Variants in AK8 observed in about 807,000 individuals in gnomAD.
The protein encoded by AK8 is ATP-AMP transphosphorylase 8.
A neutral mutation model predicts 54.6 loss-of-function variants in AK8; 44 were observed. The observed-to-expected ratio is 0.81, with a 90% CI of 0.63 to 1.04. The LOEUF is 1.04. Ranked by LOEUF, AK8 falls within the 50% of genes least tolerant of loss-of-function variation. The probability of loss-of-function intolerance (pLI) is 0.00; values close to 1 mark genes in which losing one functional copy is unlikely to be tolerated. For synonymous variants in AK8, 239 were observed against 245.6 expected (o/e 0.97, Z 0.25); for missense variants, 555 against 613.6 (o/e 0.90, Z 1.01).
At chr9:132,811,742 G>A (rs1841020416) in intron 10 of AK8, among the ~76,000 whole-genome samples, 1 of 152,334 alleles carries the variant, frequency 6.6e-6, no homozygotes, top group Non-Finnish European at 1.5e-5. Flanking sequence ...CTGTTCATGG[G>A]CATCACTGCT....
At chr9:132,808,755 G>A (rs1258290254) in intron 10 of AK8, among the ~76,000 whole-genome samples, 3 of 152,208 alleles carry the variant, frequency 2.0e-5, no homozygotes, top group Non-Finnish European at 4.4e-5. Flanking sequence ...TCTGGGGCAC[G>A]CAGCTCCAAG....
At position 132,725,878 on chromosome 9, in the gene AK8, C is replaced by G; in HGVS notation, c.1250G>C (p.Arg417Pro). 6.2e-7 allele frequency: 1 copy of G among 1,611,360 alleles called. No individual in the cohort carries two copies. The highest frequency in any genetic ancestry group is 8.5e-7 in the Non-Finnish European group (1 of 1,179,420). Reference protein sequence around the residue: ...KPPPTMEIQARLLQNPKDAEE... With the variant: ...KPPPTMEIQAPLLQNPKDAEE... ...AGCATCCTTTGGGTTCTGCAGGAGGCGAGCCTGGATCTCCATGGTGGGAGG... is the reference window on the plus strand; with the variant it reads ...AGCATCCTTTGGGTTCTGCAGGAGGGGAGCCTGGATCTCCATGGTGGGAGG... The change falls in exon 13 of 13, where the codon CGC (arginine) becomes CCC (proline). Residue 417 changes from arginine to proline, a missense_variant. Transcript: ENST00000298545.
intron 11 of AK8, among the ~76,000 whole-genome samples, chr9:132,782,677 G>A (rs976300074): frequency 1.3e-5 from 2 of 149,492 alleles, no homozygotes; most frequent in Admixed American, 1.3e-4. Flanking sequence ...CAACAAGAGC[G>A]AAATTCCGTC....
intron 1 of AK8, among the ~76,000 whole-genome samples, chr9:132,876,463 G>A (rs1298996906): frequency 6.6e-6 from 1 of 152,210 alleles, no homozygotes; most frequent in African/African-American, 2.4e-5. Flanking sequence ...TTAAATGGAG[G>A]TGCAGTAGCG....
intron 11 of AK8, among the ~76,000 whole-genome samples, chr9:132,773,094 T>G (rs1006516988): frequency 6.6e-6 from 1 of 152,250 alleles, no homozygotes; most frequent in Non-Finnish European, 1.5e-5. Context: ...CTTCAAGGTC[T>G]ATGGTCTCCT....
intron 2 of AK8, among the ~76,000 whole-genome samples, chr9:132,874,652 C>T (rs954320527): frequency 6.6e-6 from 1 of 152,156 alleles, no homozygotes; most frequent in Admixed American, 6.5e-5. Context: ...TTGGGGAGCT[C>T]GGAAACTCAT....
intron 11 of AK8, among the ~76,000 whole-genome samples, chr9:132,763,499 A>G (rs558842551): frequency 1.3e-5 from 2 of 152,260 alleles, no homozygotes; most frequent in Non-Finnish European, 2.9e-5. Flanking sequence ...CTTTATACAC[A>G]GTAAGCTGTA....
chr9:132,755,891 C>T (rs1450640156), intron 11 of AK8, among the ~76,000 whole-genome samples: 1 of 152,146 alleles, frequency 6.6e-6, no homozygotes, highest in Non-Finnish European at 1.5e-5. Flanking sequence ...CCTCAGCCTC[C>T]CCAGTAGCTG....
chr9:132,767,448 G>GA (rs200720814), intron 11 of AK8, among the ~76,000 whole-genome samples: 1,555 of 147,476 alleles, frequency 0.011, 29 homozygotes, highest in African/African-American at 0.033. Context: ...AGCAAAAATT[G>GA]AAAAAAAAAA....
intron 9 of AK8, among the ~76,000 whole-genome samples, chr9:132,818,572 G>C (rs1025329137): frequency 6.6e-5 from 10 of 152,012 alleles, no homozygotes; most frequent in Non-Finnish European, 1.3e-4. Flanking sequence ...ATAAAGCAAA[G>C]AGATATGGCT....
In AK8 at chr9:132,807,761, G is replaced by C. The variant is rs576704522; in HGVS notation, c.979+6877C>G. 2.7e-4 allele frequency among the ~76,000 whole-genome samples: 41 copies of C among 152,292 alleles called. No individual in the cohort carries two copies. In the South Asian group the frequency reaches 5.8e-3, roughly 22 times the overall value. Reference sequence around the variant, plus strand: ...ACAACAGAGTGAGGCCCATGAGCAGGGCTCATTTTATATTAAGTGAAAATC... The same window carrying C: ...ACAACAGAGTGAGGCCCATGAGCAGCGCTCATTTTATATTAAGTGAAAATC... On this transcript the variant is annotated intron_variant, in intron 10 of 12. Coordinates refer to ENST00000298545, the MANE Select transcript of AK8 (RefSeq NM_152572.3).
At chr9:132,745,168 C>T (rs1311018939) in intron 11 of AK8, among the ~76,000 whole-genome samples, 2 of 152,214 alleles carry the variant, frequency 1.3e-5, no homozygotes, top group Admixed American at 6.5e-5. Flanking sequence ...ATACGCTTTA[C>T]GGTGGGGCCT....
chr9:132,863,388 A>G (rs1308736377), intron 4 of AK8, among the ~76,000 whole-genome samples: 2 of 152,254 alleles, frequency 1.3e-5, no homozygotes, highest in Non-Finnish European at 2.9e-5. Flanking sequence ...AGCCTGGACC[A>G]TCCCACCAAG....
rs552755147 is a variant in AK8, at chr9:132,781,640, T to A, written c.1121+10994A>T. On this transcript the variant is annotated intron_variant, in intron 11 of 12. Transcript: ENST00000298545. This position sits in a 1 kb window ranked among gnomAD's most constrained non-coding sequence, Gnocchi z 4.6. ...AAAAGAGCCTTTGTAGATTTTCATA[T>A]CTGAATTATAGATTTCTGTATCGTA... Among the ~76,000 whole-genome samples the A allele has an allele frequency of 6.6e-6, 1 of 152,360 alleles. No individual in the cohort carries two copies. Among genetic ancestry groups the A allele is most frequent in the South Asian group, 2.1e-4 (1 of 4,826 alleles).
intron 11 of AK8, among the ~76,000 whole-genome samples, chr9:132,728,364 T>C (rs995185617): frequency 6.6e-6 from 1 of 152,180 alleles, no homozygotes; most frequent in Non-Finnish European, 1.5e-5. Context: ...TGGGGGAACA[T>C]CTTGTTCTCT....
upstream of AK8, chr9:132,878,913 C>T (rs1014817579): frequency 1.2e-4 from 45 of 374,438 alleles, no homozygotes; most frequent in Non-Finnish European, 1.5e-4. The surrounding 1 kb of genome is among the most constrained non-coding windows in gnomAD (Gnocchi z 4.7). Flanking sequence ...CTCCCAAGTC[C>T]TGGAACGGGC....
intron 5 of AK8, among the ~76,000 whole-genome samples, chr9:132,833,824 T>C (rs1842207682): frequency 6.6e-6 from 1 of 152,270 alleles, no homozygotes; most frequent in Non-Finnish European, 1.5e-5. Context: ...GTGCGAACAC[T>C]GGCCTCTTTT....
chr9:132,803,607 C>T lies in AK8; in HGVS notation c.980-10832G>A, dbSNP rs896139095. On this transcript the variant is annotated intron_variant, in intron 10 of 12. Coordinates refer to ENST00000298545, the MANE Select transcript of AK8 (RefSeq NM_152572.3). This position sits in a 1 kb window ranked among gnomAD's most constrained non-coding sequence, Gnocchi z 4.4. Reference sequence around the variant, plus strand: ...TGGGATCCTAGGAAAGCTCGCCTTACAGATGGGAAAACTGAAGGGAGCTCT... The same window carrying T: ...TGGGATCCTAGGAAAGCTCGCCTTATAGATGGGAAAACTGAAGGGAGCTCT... Among the ~76,000 whole-genome samples the T allele has an allele frequency of 2.6e-5, 4 of 152,120 alleles. No individual in the cohort carries two copies. The highest frequency in any genetic ancestry group is 5.9e-5 in the Non-Finnish European group (4 of 68,024).
intron 10 of AK8, among the ~76,000 whole-genome samples, chr9:132,794,919 C>T (rs887879091): frequency 3.9e-5 from 6 of 152,136 alleles, no homozygotes; most frequent in Non-Finnish European, 5.9e-5. Flanking sequence ...CTGTTGTGAC[C>T]GGCTCACACC....
Sources: allele counts gnomAD v4.1 joint callset (sites outside exome capture counted in the v4.1 genomes callset), GRCh38; gene constraint gnomAD v4.1.1; non-coding constraint Gnocchi (gnomAD v3.1); transcripts MANE v1.5; gene names NCBI Gene and HGNC (gene_info 2026-07-23, HGNC 2026-07-21).